The following VPS41 variants were observed in gnomAD, a reference collection of about 807,000 sequenced individuals.
VPS41 encodes vacuolar protein sorting-associated protein 41 homolog.
Under a neutral mutation model 130.9 loss-of-function variants are expected in VPS41, and 85 were observed. The ratio of observed to expected loss-of-function variants is 0.65; its 90% confidence interval spans 0.55 to 0.78. The LOEUF (loss-of-function observed/expected upper bound fraction) is 0.78. Among genes scored for constraint, VPS41 ranks in the 30% least tolerant of loss-of-function variants. The pLI is 0.00. For synonymous variants in VPS41, 335 were observed against 332.9 expected, an observed-to-expected ratio of 1.01 and a Z score of -0.07; for missense variants, 874 against 1,018.7, an observed-to-expected ratio of 0.86 and a Z score of 1.93.
At chr7:38,731,225 T>C (rs953976580) in intron 25 of VPS41, among the ~76,000 whole-genome samples, 5 of 152,202 alleles carry the variant, frequency 3.3e-5, no homozygotes, top group African/African-American at 1.2e-4. Flanking sequence ...ACATCTGTAA[T>C]AATGTGTAGG....
intron 8 of VPS41, chr7:38,796,373 T>C (rs1240963669): frequency 2.3e-6 from 1 of 427,406 alleles, no homozygotes; most frequent in East Asian, 6.9e-5. Context: ...AAAAGAGAAA[T>C]CAGCAATATT....
intron 10 of VPS41, among the ~76,000 whole-genome samples, chr7:38,787,748 CA>C (rs1784465812): frequency 6.6e-6 from 1 of 152,102 alleles, no homozygotes; most frequent in Admixed American, 6.5e-5. Flanking sequence ...AATTGTAATC[CA>C]GACCTCCTAA....
At chr7:38,903,241 T>A (rs1787182027) in intron 1 of VPS41, among the ~76,000 whole-genome samples, 1 of 152,140 alleles carries the variant, frequency 6.6e-6, no homozygotes. Flanking sequence ...CCAGCCCCCA[T>A]CCCTAATCCT....
chr7:38,798,505 C>G (rs1784663750), intron 7 of VPS41, among the ~76,000 whole-genome samples: 1 of 152,136 alleles, frequency 6.6e-6, no homozygotes, highest in Non-Finnish European at 1.5e-5. Context: ...GTTGGCCAGA[C>G]TGGTCTCGAA....
At chr7:38,728,902 G>A in intron 25 of VPS41, 111 bp from the exon 26 acceptor site, 1 of 933,836 alleles carries the variant, frequency 1.1e-6, no homozygotes, top group Non-Finnish European at 1.6e-6. Flanking sequence ...ATACTCAAAA[G>A]GGGCACTCAC....
intron 17 of VPS41, 95 bp downstream of exon 17, chr7:38,763,360 T>C: frequency 3.9e-6 from 3 of 772,734 alleles, no homozygotes; most frequent in South Asian, 2.9e-5. Flanking sequence ...ACAAATCTGT[T>C]TCCTTTACAG....
chr7:38,808,750 C>G (rs376260388), intron 7 of VPS41, among the ~76,000 whole-genome samples: 1 of 152,308 alleles, frequency 6.6e-6, no homozygotes, highest in East Asian at 1.9e-4. Flanking sequence ...CAGAGAGGAA[C>G]TGCTAATGTC....
intron 2 of VPS41, among the ~76,000 whole-genome samples, chr7:38,883,466 AACAG>A (rs1389934404): frequency 6.6e-6 from 1 of 152,138 alleles, no homozygotes; most frequent in African/African-American, 2.4e-5. Flanking sequence ...ATGTCACCTG[AACAG>A]ACAGGCCTTC....
chr7:38,724,150 A>G lies in VPS41; in HGVS notation c.*2096T>C, dbSNP rs755957879. 1 of 152,202 alleles carries G rather than the reference A, an allele frequency of 6.6e-6. No homozygotes were observed. Among genetic ancestry groups the G allele is most frequent in the Non-Finnish European group, 1.5e-5 (1 of 68,028 alleles). 9.4% of individuals were successfully genotyped at this position (152,202 alleles called of 1,614,324 possible). On this transcript the variant is annotated 3_prime_UTR_variant, in exon 29 of 29. Coordinates refer to ENST00000310301, the MANE Select transcript of VPS41 (RefSeq NM_014396.4). ...CTGTTTAATTATTTTCTCCTTTTCTATAAGTAGGATTTTCTTTATGTCCAA... is the reference window on the plus strand; with the variant it reads ...CTGTTTAATTATTTTCTCCTTTTCTGTAAGTAGGATTTTCTTTATGTCCAA...
intron 4 of VPS41, among the ~76,000 whole-genome samples, chr7:38,848,103 C>T (rs1333086082): frequency 6.6e-6 from 1 of 152,052 alleles, no homozygotes; most frequent in Non-Finnish European, 1.5e-5. Flanking sequence ...TTTATCAATC[C>T]CCATTAAATC....
intron 2 of VPS41, among the ~76,000 whole-genome samples, chr7:38,895,780 T>C (rs1354663733): frequency 2.0e-5 from 3 of 152,186 alleles, no homozygotes; most frequent in Non-Finnish European, 2.9e-5. Flanking sequence ...ATCCAACTCT[T>C]GTCACCTAAA....
At chr7:38,791,678 G>T (rs1784539483) in intron 9 of VPS41, among the ~76,000 whole-genome samples, 1 of 152,068 alleles carries the variant, frequency 6.6e-6, no homozygotes, top group South Asian at 2.1e-4. Context: ...AGAAATGAAG[G>T]GCATGGGGGA....
At chr7:38,890,495 C>T (rs977019453) in intron 2 of VPS41, among the ~76,000 whole-genome samples, 19 of 152,244 alleles carry the variant, frequency 1.2e-4, no homozygotes, top group East Asian at 5.8e-4. Flanking sequence ...CATGATAAAA[C>T]TGCACAGAAC....
At chr7:38,814,294 A>G (rs187735511) in intron 7 of VPS41, among the ~76,000 whole-genome samples, 2 of 152,370 alleles carry the variant, frequency 1.3e-5, no homozygotes, top group Non-Finnish European at 1.5e-5. Flanking sequence ...GGCAAACTTG[A>G]TAAGACTACA....
chr7:38,755,125 C>G (rs1411801994), intron 19 of VPS41, among the ~76,000 whole-genome samples, 189 bp from the exon 20 acceptor site: 1 of 152,186 alleles, frequency 6.6e-6, no homozygotes, highest in Non-Finnish European at 1.5e-5. Context: ...TCAAATGCAT[C>G]TCAATCTGAA....
chr7:38,750,572 G>A (rs1203610339), intron 22 of VPS41, among the ~76,000 whole-genome samples: 1 of 152,152 alleles, frequency 6.6e-6, no homozygotes, highest in Non-Finnish European at 1.5e-5. Context: ...GTGGACCAGA[G>A]AGAAAAATTC....
intron 2 of VPS41, among the ~76,000 whole-genome samples, chr7:38,879,795 C>T (rs2190666): frequency 0.31 from 46,686 of 151,652 alleles, 7,607 homozygotes; most frequent in Admixed American, 0.47. Flanking sequence ...TCCCCCACTG[C>T]GCACATGGAC....
intron 7 of VPS41, among the ~76,000 whole-genome samples, chr7:38,800,467 A>G (rs1013366782): frequency 1.3e-5 from 2 of 152,190 alleles, no homozygotes; most frequent in African/African-American, 4.8e-5. Flanking sequence ...TGGGAATGAA[A>G]ATCCATTCTC....
intron 17 of VPS41, among the ~76,000 whole-genome samples, chr7:38,759,954 G>A (rs1783878800): frequency 6.6e-6 from 1 of 152,074 alleles, no homozygotes; most frequent in Non-Finnish European, 1.5e-5. Flanking sequence ...CACCATCTTG[G>A]TCCTCCTTCC....
Sources: allele counts gnomAD v4.1 joint callset (sites outside exome capture counted in the v4.1 genomes callset), GRCh38; gene constraint gnomAD v4.1.1; transcripts MANE v1.5; gene names NCBI Gene and HGNC (gene_info 2026-07-23, HGNC 2026-07-21).